CEP63: variants seen among roughly 807,000 people sequenced by gnomAD.
The protein encoded by CEP63 is centrosomal protein of 63 kDa.
Under a neutral mutation model 89.1 loss-of-function variants are expected in CEP63, and 84 were observed. That is an observed-to-expected ratio of 0.94 (90% CI 0.79 to 1.13). CEP63 has a LOEUF of 1.13. CEP63 is among the 50% of genes most tolerant of loss of function. The probability of loss-of-function intolerance (pLI) is 0.00; values close to 1 mark genes in which losing one functional copy is unlikely to be tolerated. For synonymous variants in CEP63, 267 were observed against 272.5 expected, an observed-to-expected ratio of 0.98 and a Z score of 0.20; for missense variants, 838 against 813.3, an observed-to-expected ratio of 1.03 and a Z score of -0.37.
chr3:134,537,762 C>G (rs1395084717), intron 6 of CEP63, among the ~76,000 whole-genome samples: 1 of 152,156 alleles, frequency 6.6e-6, no homozygotes, highest in East Asian at 1.9e-4. Flanking sequence ...CCTATGGTCA[C>G]TGGGGTATCT....
the CEP63 span, among the ~76,000 whole-genome samples, chr3:134,706,398 G>A: frequency 5.3e-5 from 8 of 152,232 alleles, no homozygotes; most frequent in South Asian, 1.5e-3. Flanking sequence ...TACAAAATGG[G>A]TATGTTTGGA....
chr3:134,624,434 C>T, the CEP63 span, among the ~76,000 whole-genome samples: 1 of 152,358 alleles, frequency 6.6e-6, no homozygotes, highest in African/African-American at 2.4e-5. Context: ...TTTAAGACCA[C>T]TTAATGTCCT....
chr3:134,622,220 C>CA, the CEP63 span, among the ~76,000 whole-genome samples: 1 of 151,996 alleles, frequency 6.6e-6, no homozygotes, highest in African/African-American at 2.4e-5. Context: ...GGTACGCAAC[C>CA]AAAAAAACCG....
At chr3:134,636,843 T>A in the CEP63 span, among the ~76,000 whole-genome samples, 2 of 152,258 alleles carry the variant, frequency 1.3e-5, no homozygotes, top group Admixed American at 6.5e-5. Flanking sequence ...ATTTCTTTAG[T>A]TTTATTGTAG....
intron 2 of CEP63, among the ~76,000 whole-genome samples, chr3:134,502,340 G>A (rs1462205569): frequency 2.0e-5 from 3 of 152,132 alleles, no homozygotes; most frequent in Admixed American, 2.0e-4. Context: ...TGGTTTCATA[G>A]AATGAGTTAG....
At chr3:134,496,882 C>T (rs981674063) in intron 2 of CEP63, among the ~76,000 whole-genome samples, 5 of 152,148 alleles carry the variant, frequency 3.3e-5, no homozygotes, top group African/African-American at 9.7e-5. Flanking sequence ...ACTAATTTTA[C>T]ATTCTCACCA....
At position 134,507,178 on chromosome 3, in the gene CEP63, T is replaced by C; in HGVS notation, c.114T>C (p.His38=). The part of the protein sequence containing the change: ...LMKQIDIMVA[H]KKSEWEGRTH... Reference sequence around the variant, plus strand: ...AACAGATTGACATAATGGTGGCTCATAAAAAATCTGAATGGGAAGGACGTA... The same window carrying C: ...AACAGATTGACATAATGGTGGCTCACAAAAAATCTGAATGGGAAGGACGTA... Residue 38 remains histidine, a synonymous_variant, in exon 3 of 15, where the codon CAT becomes CAC. Coordinates refer to ENST00000675561, the MANE Select transcript of CEP63 (RefSeq NM_001353108.3). 1 of 1,613,736 alleles carries C rather than the reference T, an allele frequency of 6.2e-7. No homozygotes were observed. The highest frequency in any genetic ancestry group is 1.1e-5 in the South Asian group (1 of 91,074).
chr3:134,687,193 G>A, the CEP63 span, among the ~76,000 whole-genome samples: 3 of 152,214 alleles, frequency 2.0e-5, no homozygotes, highest in Middle Eastern at 3.4e-3. Context: ...TTGGTCACCA[G>A]GAAAAATGCA....
chr3:134,639,732 G>A, the CEP63 span: 1 of 151,550 alleles, frequency 6.6e-6, no homozygotes, highest in African/African-American at 2.4e-5. Flanking sequence ...GATTGCTTGA[G>A]CCCAGGGGTT....
the CEP63 span, among the ~76,000 whole-genome samples, chr3:134,753,270 C>G: frequency 7.9e-5 from 12 of 152,176 alleles, no homozygotes; most frequent in Non-Finnish European, 1.6e-4. Context: ...TGTCACCACT[C>G]TATTTAGAGT....
the CEP63 span, chr3:134,603,996 C>G: frequency 1.2e-6 from 2 of 1,613,854 alleles, no homozygotes; most frequent in Non-Finnish European, 1.7e-6. Context: ...GCTGGACTTT[C>G]AGCTCGGTCT....
chr3:134,571,587 A>G (rs994661884), intron 11 of CEP63, among the ~76,000 whole-genome samples: 8 of 152,168 alleles, frequency 5.3e-5, no homozygotes. Flanking sequence ...AGGCTGAGGC[A>G]GGAGAATGGC....
chr3:134,543,859 T>C (rs1952593068), intron 6 of CEP63, among the ~76,000 whole-genome samples: 1 of 152,102 alleles, frequency 6.6e-6, no homozygotes, highest in Non-Finnish European at 1.5e-5. Flanking sequence ...AAGTTTATAT[T>C]ATATTTAAAA....
At chr3:134,485,915 C>G, upstream of CEP63, 1 of 915,068 alleles carries the variant, frequency 1.1e-6, no homozygotes, top group Non-Finnish European at 1.3e-6. Flanking sequence ...ATTCCCGCGC[C>G]TCCAAAACCT....
chr3:134,653,371 G>A, the CEP63 span, among the ~76,000 whole-genome samples: 58 of 152,300 alleles, frequency 3.8e-4, no homozygotes, highest in African/African-American at 1.3e-3. Context: ...TCCTGAAATT[G>A]GAGTCACCTC....
chr3:134,601,277 G>A, the CEP63 span, among the ~76,000 whole-genome samples: 4 of 152,156 alleles, frequency 2.6e-5, no homozygotes, highest in Non-Finnish European at 5.9e-5. Flanking sequence ...GCTTGCTGAT[G>A]CCCTGCGGTG....
chr3:134,546,107 TAAA>T (rs750425059), intron 7 of CEP63, 39 bp from the exon 8 acceptor site: 2 of 1,608,124 alleles, frequency 1.2e-6, no homozygotes, highest in Non-Finnish European at 1.7e-6. Context: ...CTGCAGGAAT[TAAA>T]AAGAAGGAAA....
intron 2 of CEP63, among the ~76,000 whole-genome samples, chr3:134,497,589 TG>T (rs1215797163): frequency 6.6e-6 from 1 of 152,116 alleles, no homozygotes; most frequent in African/African-American, 2.4e-5. Flanking sequence ...AAGCAGTTCT[TG>T]AACTCCTGGC....
the CEP63 span, among the ~76,000 whole-genome samples, chr3:134,648,146 G>C: frequency 5.9e-5 from 9 of 152,326 alleles, no homozygotes; most frequent in African/African-American, 1.2e-4. Context: ...TTCTGGCAGC[G>C]GGAGCTGCTG....
Sources: allele counts gnomAD v4.1 joint callset (sites outside exome capture counted in the v4.1 genomes callset), GRCh38; gene constraint gnomAD v4.1.1; transcripts MANE v1.5; gene names NCBI Gene and HGNC (gene_info 2026-07-23, HGNC 2026-07-21).